Variants in LRP1B observed in about 807,000 individuals in gnomAD.
The protein encoded by LRP1B is low-density lipoprotein receptor-related protein 1B.
In LRP1B, 217 loss-of-function variants were observed where a neutral mutation model predicts 556.6. The ratio of observed to expected loss-of-function variants is 0.39; its 90% confidence interval spans 0.35 to 0.44. The LOEUF (loss-of-function observed/expected upper bound fraction) is 0.44. Ranked by LOEUF, LRP1B falls within the 20% of genes least tolerant of loss-of-function variation. The pLI is 1.00. For missense variants in LRP1B, 5,053 were observed against 5,620.8 expected, an observed-to-expected ratio of 0.90 and a Z score of 3.23; for synonymous variants, 2,047 against 1,865.8, an observed-to-expected ratio of 1.10 and a Z score of -2.50.
At chr2:141,285,614 G>A (rs573722295) in intron 3 of LRP1B, among the ~76,000 whole-genome samples, 1 of 147,766 alleles carries the variant, frequency 6.8e-6, no homozygotes, top group African/African-American at 2.5e-5. Context: ...CGCCACCAAG[G>A]CCGGCTGATT....
At chr2:142,031,348 T>TTTTTTTTA (rs1703699669) in intron 1 of LRP1B, among the ~76,000 whole-genome samples, 1 of 126,530 alleles carries the variant, frequency 7.9e-6, no homozygotes, top group Admixed American at 7.8e-5. Flanking sequence ...TTTTTTTTTT[T>TTTTTTTTA]ATTATACTCT....
intron 3 of LRP1B, among the ~76,000 whole-genome samples, chr2:141,340,676 A>G (rs2105515146): frequency 6.6e-6 from 1 of 152,322 alleles, no homozygotes; most frequent in African/African-American, 2.4e-5. Flanking sequence ...GACCCACCAA[A>G]GAAAAGGTAA....
intron 31 of LRP1B, among the ~76,000 whole-genome samples, chr2:140,830,449 A>G (rs530885888): frequency 2.6e-4 from 39 of 152,246 alleles, no homozygotes; most frequent in Admixed American, 2.4e-3. Context: ...GGTCCAACCT[A>G]TGCAAATTAA....
chr2:140,623,410 C>A (rs1454857368), intron 41 of LRP1B, among the ~76,000 whole-genome samples: 2 of 151,900 alleles, frequency 1.3e-5, no homozygotes, highest in African/African-American at 4.8e-5. Flanking sequence ...ATAATTTTTT[C>A]TCCTTATCTA....
At chr2:140,947,961 T>A (rs1695590942) in intron 20 of LRP1B, among the ~76,000 whole-genome samples, 1 of 152,122 alleles carries the variant, frequency 6.6e-6, no homozygotes, top group Admixed American at 6.6e-5. Context: ...AATGAGGTGC[T>A]CTAAATAAGG....
chr2:141,497,054 C>CT (rs1353571534), intron 2 of LRP1B, among the ~76,000 whole-genome samples: 7 of 151,862 alleles, frequency 4.6e-5, no homozygotes, highest in African/African-American at 1.7e-4. Context: ...TGAGTCAGAA[C>CT]TTGTGACATA....
At chr2:141,385,133 G>A (rs546282602) in intron 3 of LRP1B, among the ~76,000 whole-genome samples, 4 of 152,116 alleles carry the variant, frequency 2.6e-5, no homozygotes, top group Non-Finnish European at 4.4e-5. Flanking sequence ...TTGTATTAAT[G>A]CAAGTTAGTT....
intron 84 of LRP1B, among the ~76,000 whole-genome samples, chr2:140,285,058 C>G (rs189060631): frequency 6.8e-6 from 1 of 147,452 alleles, no homozygotes; most frequent in Non-Finnish European, 1.5e-5. Flanking sequence ...ATCTATATAC[C>G]TATCTATATA....
chr2:141,291,846 A>C (rs1685967734), intron 3 of LRP1B, among the ~76,000 whole-genome samples: 1 of 109,294 alleles, frequency 9.1e-6, no homozygotes, highest in Admixed American at 1.1e-4. Flanking sequence ...AAAGAGCGAG[A>C]CTCTGTCTCA....
chr2:140,281,638 A>T (rs911950259), intron 84 of LRP1B, among the ~76,000 whole-genome samples: 3 of 151,864 alleles, frequency 2.0e-5, no homozygotes, highest in Non-Finnish European at 2.9e-5. Flanking sequence ...ATGGTTTTAT[A>T]TTCATCATTT....
At chr2:141,294,392 C>T (rs754868210) in intron 3 of LRP1B, among the ~76,000 whole-genome samples, 5 of 150,174 alleles carry the variant, frequency 3.3e-5, no homozygotes, top group Non-Finnish European at 5.9e-5. Context: ...AATAATAGAA[C>T]TTATCATGAA....
intron 11 of LRP1B, among the ~76,000 whole-genome samples, chr2:141,028,417 T>C (rs1698275668): frequency 6.6e-6 from 1 of 151,844 alleles, no homozygotes; most frequent in African/African-American, 2.4e-5. Context: ...TCAGAAAGAC[T>C]AGGAAAGTGT....
At chr2:141,522,010 G>C (rs1269283833) in intron 2 of LRP1B, among the ~76,000 whole-genome samples, 2 of 152,036 alleles carry the variant, frequency 1.3e-5, no homozygotes, top group Non-Finnish European at 1.5e-5. Context: ...TTTGGATTGG[G>C]TTTCTGTTAT....
chr2:140,748,337 ATATAT>A (rs1301726950), intron 35 of LRP1B, among the ~76,000 whole-genome samples: 90 of 108,836 alleles, frequency 8.3e-4, no homozygotes, highest in African/African-American at 3.2e-3. Context: ...TATTATATTC[ATATAT>A]TATATTCATA....
At chr2:141,673,853 A>G (rs1323942085) in intron 2 of LRP1B, among the ~76,000 whole-genome samples, 2 of 152,028 alleles carry the variant, frequency 1.3e-5, no homozygotes, top group African/African-American at 2.4e-5. Flanking sequence ...TTTAATCACT[A>G]TGAGTACAGA....
intron 17 of LRP1B, among the ~76,000 whole-genome samples, chr2:140,984,881 A>C (rs1250108350): frequency 6.6e-6 from 1 of 152,112 alleles, no homozygotes; most frequent in African/African-American, 2.4e-5. Flanking sequence ...CAAACCCCCA[A>C]GGACTGTTTA....
chr2:141,205,283 C>T (rs1395462406), intron 6 of LRP1B, among the ~76,000 whole-genome samples: 1 of 152,064 alleles, frequency 6.6e-6, no homozygotes, highest in Non-Finnish European at 1.5e-5. Context: ...GAATTGATAA[C>T]TTGTATAATT....
chr2:141,977,126 A>G (rs1161502842), intron 1 of LRP1B, among the ~76,000 whole-genome samples: 1 of 152,204 alleles, frequency 6.6e-6, no homozygotes, highest in Non-Finnish European at 1.5e-5. Flanking sequence ...TAATAAACTC[A>G]GAAATAAATC....
At chr2:140,695,176 C>T (rs1196640432) in intron 41 of LRP1B, among the ~76,000 whole-genome samples, 1 of 151,588 alleles carries the variant, frequency 6.6e-6, no homozygotes, top group Admixed American at 6.6e-5. Flanking sequence ...TCTTTTAGTA[C>T]TCACTTCTCT....
Sources: allele counts gnomAD v4.1 joint callset (sites outside exome capture counted in the v4.1 genomes callset), GRCh38; gene constraint gnomAD v4.1.1; transcripts MANE v1.5; gene names NCBI Gene and HGNC (gene_info 2026-07-23, HGNC 2026-07-21).